RALYL: variants seen among roughly 807,000 people sequenced by gnomAD.
RALYL encodes the protein RNA-binding Raly-like protein.
In RALYL, 29 loss-of-function variants were observed where a neutral mutation model predicts 35.1. That is an observed-to-expected ratio of 0.83 (90% CI 0.61 to 1.13). The LOEUF is 1.13. Among genes scored for constraint, RALYL ranks in the 50% most tolerant of loss-of-function variants. The probability of loss-of-function intolerance (pLI) is 0.00; values close to 1 mark genes in which losing one functional copy is unlikely to be tolerated. For missense variants in RALYL, 359 were observed against 360.4 expected, an observed-to-expected ratio of 1.00 and a Z score of 0.03; for synonymous variants, 120 against 127.6, an observed-to-expected ratio of 0.94 and a Z score of 0.40.
chr8:84,205,299 C>T (rs1487108197), intron 1 of RALYL, among the ~76,000 whole-genome samples: 1 of 152,110 alleles, frequency 6.6e-6, no homozygotes, highest in Non-Finnish European at 1.5e-5. Flanking sequence ...AGGGTCCACC[C>T]CTCTAATAGC....
At chr8:84,646,316 A>C (rs1053844622) in intron 2 of RALYL, among the ~76,000 whole-genome samples, 3 of 150,564 alleles carry the variant, frequency 2.0e-5, no homozygotes, top group East Asian at 2.0e-4. Flanking sequence ...TAATTTTTTT[A>C]TTTCTTTCTT....
At chr8:84,469,860 C>T (rs547116506) in intron 1 of RALYL, among the ~76,000 whole-genome samples, 55 of 152,242 alleles carry the variant, frequency 3.6e-4, no homozygotes, top group African/African-American at 4.3e-4. Flanking sequence ...TTTTTAAGCC[C>T]GTCGGAAAAG....
At chr8:84,686,456 G>A (rs896367846) in intron 2 of RALYL, among the ~76,000 whole-genome samples, 33 of 152,276 alleles carry the variant, frequency 2.2e-4, no homozygotes, top group Non-Finnish European at 4.1e-4. Flanking sequence ...CCAACCTGGA[G>A]TGCAGTGGTG....
rs148506496 is a variant in RALYL at position 84,399,610 on chromosome 8, G to A, written c.-23-129689G>A. ...ACAAAGCCACACTGCTTTCAAAACC[G>A]TTCATTTACATGCATAATTATTCCT... On this transcript the variant is annotated intron_variant, in intron 1 of 8. Transcript: ENST00000521268. Among the ~76,000 whole-genome samples the A allele has an allele frequency of 8.7e-4, 133 of 152,184 alleles. 2 individuals carry two copies. The highest frequency in any genetic ancestry group is 4.8e-3 in the East Asian group (25 of 5,170).
chr8:84,817,050 C>T (rs950553245), intron 4 of RALYL, among the ~76,000 whole-genome samples: 8 of 152,126 alleles, frequency 5.3e-5, no homozygotes, highest in African/African-American at 1.7e-4. Context: ...AAGCCTGGAT[C>T]GCCTAAGTCC....
At chr8:84,913,017 T>TAGGTA (rs1169566862) in intron 8 of RALYL, among the ~76,000 whole-genome samples, 1 of 135,238 alleles carries the variant, frequency 7.4e-6, no homozygotes, top group African/African-American at 3.0e-5. Context: ...GATGGATGGA[T>TAGGTA]GGATGGATGG....
At chr8:84,703,721 T>C (rs1480740392) in intron 2 of RALYL, among the ~76,000 whole-genome samples, 3 of 152,216 alleles carry the variant, frequency 2.0e-5, no homozygotes, top group Non-Finnish European at 2.9e-5. Flanking sequence ...ATCATAAATA[T>C]ATACCACCTA....
intron 1 of RALYL, among the ~76,000 whole-genome samples, chr8:84,204,756 A>G (rs2131059996): frequency 6.6e-6 from 1 of 152,330 alleles, no homozygotes; most frequent in South Asian, 2.1e-4. Context: ...ATGTATTTAT[A>G]TAATCATTCC....
intron 4 of RALYL, among the ~76,000 whole-genome samples, chr8:84,824,642 C>T (rs564402486): frequency 7.9e-5 from 12 of 152,216 alleles, no homozygotes; most frequent in African/African-American, 1.4e-4. Context: ...ACCAAAACAG[C>T]GTGGTACTGG....
At chr8:84,661,912 CT>C (rs1163935931) in intron 2 of RALYL, among the ~76,000 whole-genome samples, 1 of 150,326 alleles carries the variant, frequency 6.7e-6, no homozygotes, top group African/African-American at 2.4e-5. Flanking sequence ...GGAGCCAGCT[CT>C]GCTTAGTCAT....
At chr8:84,284,694 A>G (rs1206190031) in intron 1 of RALYL, among the ~76,000 whole-genome samples, 1 of 152,174 alleles carries the variant, frequency 6.6e-6, no homozygotes, top group Admixed American at 6.6e-5. Flanking sequence ...TTTTTGGATT[A>G]AAGGAACTCA....
intron 1 of RALYL, among the ~76,000 whole-genome samples, chr8:84,499,687 A>G (rs1050028445): frequency 6.6e-6 from 1 of 151,616 alleles, no homozygotes; most frequent in Non-Finnish European, 1.5e-5. Context: ...ACCTTAAAAC[A>G]CATTGGCATT....
intron 2 of RALYL, among the ~76,000 whole-genome samples, chr8:84,535,376 T>C (rs1025643688): frequency 7.2e-5 from 11 of 152,018 alleles, no homozygotes; most frequent in African/African-American, 2.6e-4. Flanking sequence ...GTTACTCTCA[T>C]TGATTTTGCT....
intron 3 of RALYL, among the ~76,000 whole-genome samples, chr8:84,789,092 T>C (rs1820209537): frequency 1.3e-5 from 2 of 152,218 alleles, no homozygotes; most frequent in African/African-American, 4.8e-5. Context: ...AGCCTTAGTA[T>C]GCAGAGCGTG....
intron 1 of RALYL, among the ~76,000 whole-genome samples, chr8:84,317,305 T>C (rs868036654): frequency 6.6e-6 from 1 of 152,286 alleles, no homozygotes; most frequent in Middle Eastern, 3.4e-3. Flanking sequence ...ACTTTTATTA[T>C]TGTACTTTCA....
intron 1 of RALYL, among the ~76,000 whole-genome samples, chr8:84,411,121 A>G (rs1347517109): frequency 6.6e-6 from 1 of 151,948 alleles, no homozygotes; most frequent in Non-Finnish European, 1.5e-5. Flanking sequence ...TTTCTCAAAA[A>G]TATATCTTTT....
chr8:84,509,258 G>A (rs990037922), intron 1 of RALYL, among the ~76,000 whole-genome samples: 1 of 152,026 alleles, frequency 6.6e-6, no homozygotes, highest in Non-Finnish European at 1.5e-5. Flanking sequence ...TATTTTCAAT[G>A]TGTCTTTGTA....
chr8:84,658,235 A>G (rs1319029010), intron 2 of RALYL, among the ~76,000 whole-genome samples: 1 of 152,096 alleles, frequency 6.6e-6, no homozygotes, highest in Non-Finnish European at 1.5e-5. Context: ...TTTATTGAAT[A>G]TGTGTATTTG....
At chr8:84,725,300 G>A (rs1428346692) in intron 2 of RALYL, among the ~76,000 whole-genome samples, 2 of 151,676 alleles carry the variant, frequency 1.3e-5, no homozygotes, top group Non-Finnish European at 3.0e-5. Context: ...ACCAAGAATG[G>A]ATATAGGCCA....
Sources: allele counts gnomAD v4.1 joint callset (sites outside exome capture counted in the v4.1 genomes callset), GRCh38; gene constraint gnomAD v4.1.1; transcripts MANE v1.5; gene names NCBI Gene and HGNC (gene_info 2026-07-23, HGNC 2026-07-21).